MACROD2: variants seen among roughly 807,000 people sequenced by gnomAD.
MACROD2 encodes ADP-ribose glycohydrolase MACROD2.
Under a neutral mutation model 70.4 loss-of-function variants are expected in MACROD2, and 36 were observed. That is an observed-to-expected ratio of 0.51 (90% CI 0.39 to 0.68). The LOEUF is 0.68. Among genes scored for constraint, MACROD2 ranks in the 30% least tolerant of loss-of-function variants. The pLI is 0.00. For missense variants in MACROD2, 496 were observed against 538.4 expected (o/e 0.92, Z 0.78); for synonymous variants, 172 against 178.8 (o/e 0.96, Z 0.30).
intron 6 of MACROD2, among the ~76,000 whole-genome samples, chr20:15,318,052 T>G (rs1046902729): frequency 2.6e-5 from 4 of 151,972 alleles, no homozygotes; most frequent in African/African-American, 9.7e-5. Flanking sequence ...AAAACAGAAG[T>G]TGCACTTAAT....
chr20:15,857,005 T>C (rs1050736839), intron 8 of MACROD2, among the ~76,000 whole-genome samples: 2 of 152,218 alleles, frequency 1.3e-5, no homozygotes, highest in Non-Finnish European at 1.5e-5. Context: ...ACTTCATTGC[T>C]CTTCTCTACA....
intron 8 of MACROD2, among the ~76,000 whole-genome samples, chr20:15,674,401 G>C (rs1331532923): frequency 2.6e-5 from 4 of 152,008 alleles, no homozygotes; most frequent in Non-Finnish European, 4.4e-5. Flanking sequence ...AGCAGCAGTG[G>C]GTGCGAAGGC....
intron 5 of MACROD2, among the ~76,000 whole-genome samples, chr20:15,214,098 T>A (rs982446699): frequency 2.0e-5 from 3 of 152,104 alleles, no homozygotes; most frequent in Admixed American, 2.0e-4. Flanking sequence ...ATTTCCAGCT[T>A]CTGTGCTTTC....
intron 3 of MACROD2, among the ~76,000 whole-genome samples, chr20:14,117,253 C>G (rs898838714): frequency 6.6e-6 from 1 of 152,134 alleles, no homozygotes; most frequent in Non-Finnish European, 1.5e-5. Flanking sequence ...CTCTTATGAT[C>G]CTTGTACTTT....
At chr20:14,787,654 G>A (rs1227538956) in intron 5 of MACROD2, among the ~76,000 whole-genome samples, 1 of 152,044 alleles carries the variant, frequency 6.6e-6, no homozygotes, top group Non-Finnish European at 1.5e-5. Flanking sequence ...ACCACACCTC[G>A]TTTTCCTTTT....
At chr20:14,348,902 T>C (rs779530757) in intron 3 of MACROD2, among the ~76,000 whole-genome samples, 7 of 151,990 alleles carry the variant, frequency 4.6e-5, no homozygotes, top group Admixed American at 6.6e-5. Flanking sequence ...GTCCCATCTC[T>C]ACAAAAAATA....
At chr20:14,466,252 T>G (rs1018752687) in intron 3 of MACROD2, among the ~76,000 whole-genome samples, 2 of 152,102 alleles carry the variant, frequency 1.3e-5, no homozygotes, top group African/African-American at 2.4e-5. Flanking sequence ...CTTTTTTCTC[T>G]AAACTTCTCT....
At chr20:14,219,494 A>G (rs1054447721) in intron 3 of MACROD2, among the ~76,000 whole-genome samples, 3 of 152,154 alleles carry the variant, frequency 2.0e-5, no homozygotes, top group African/African-American at 4.8e-5. Flanking sequence ...TCCCTCCCCA[A>G]TTAGCTTAAT....
intron 5 of MACROD2, among the ~76,000 whole-genome samples, chr20:14,873,493 C>G (rs1014352261): frequency 1.3e-5 from 2 of 152,066 alleles, no homozygotes; most frequent in Admixed American, 6.6e-5. Context: ...ATGGAATGCT[C>G]CAGACTCAGA....
intron 4 of MACROD2, among the ~76,000 whole-genome samples, chr20:14,645,146 C>T (rs1214804485): frequency 6.6e-6 from 1 of 152,032 alleles, no homozygotes; most frequent in Non-Finnish European, 1.5e-5. Flanking sequence ...ATTTTTTCTT[C>T]ACTTAAATTA....
chr20:15,736,777 G>A (rs1000860326), intron 8 of MACROD2, among the ~76,000 whole-genome samples: 4 of 152,176 alleles, frequency 2.6e-5, no homozygotes, highest in African/African-American at 9.7e-5. Flanking sequence ...CTGACTTTAA[G>A]TAGCCATTGG....
intron 4 of MACROD2, among the ~76,000 whole-genome samples, chr20:14,581,336 A>G (rs1981005661): frequency 6.6e-6 from 1 of 152,206 alleles, no homozygotes; most frequent in African/African-American, 2.4e-5. Context: ...CTGATTGTAG[A>G]ACTTGAGCAT....
intron 5 of MACROD2, among the ~76,000 whole-genome samples, chr20:14,827,455 C>T (rs748556237): frequency 2.0e-5 from 3 of 152,126 alleles, no homozygotes; most frequent in East Asian, 1.9e-4. Context: ...TTACATGGTA[C>T]GTGGTTTTAT....
intron 8 of MACROD2, among the ~76,000 whole-genome samples, chr20:15,716,694 G>T (rs2050712821): frequency 6.6e-6 from 1 of 152,130 alleles, no homozygotes; most frequent in African/African-American, 2.4e-5. Context: ...ACAACAAAAA[G>T]AACAGAAAAG....
chr20:15,229,986 T>C lies in MACROD2; in HGVS notation c.465T>C (p.Gly155=). ...CAATAGCCAGGGGCCATATTAATGGTTCCCACAAGGAAGACCTTGCAAATT... is the reference window on the plus strand; with the variant it reads ...CAATAGCCAGGGGCCATATTAATGGCTCCCACAAGGAAGACCTTGCAAATT... The part of the protein sequence containing the change: ...VGPIARGHIN[G]SHKEDLANCY... Residue 155 remains glycine (G), a synonymous_variant, in exon 6 of 18, where the codon GGT becomes GGC. Transcript: ENST00000684519. 6.2e-7 allele frequency: 1 copy of C among 1,613,746 alleles called. No individual in the cohort carries two copies. Among genetic ancestry groups the C allele is most frequent in the African/African-American group, 1.3e-5 (1 of 75,030 alleles).
At chr20:15,073,466 AACAC>A (rs11468103) in intron 5 of MACROD2, among the ~76,000 whole-genome samples, 34,174 of 143,812 alleles carry the variant, frequency 0.24, 4,002 homozygotes, top group East Asian at 0.34. Context: ...TAATTCTCCC[AACAC>A]ACACACACAC....
intron 5 of MACROD2, among the ~76,000 whole-genome samples, chr20:14,737,533 T>C (rs1327685569): frequency 6.6e-6 from 1 of 152,140 alleles, no homozygotes; most frequent in African/African-American, 2.4e-5. Context: ...CGCCACACTG[T>C]CTTCCATGAT....
intron 5 of MACROD2, among the ~76,000 whole-genome samples, chr20:14,947,164 G>A (rs938029994): frequency 2.8e-4 from 42 of 152,284 alleles, no homozygotes; most frequent in Non-Finnish European, 1.6e-4. Context: ...TCACAGATTC[G>A]CCGAGCAAGC....
intron 2 of MACROD2, among the ~76,000 whole-genome samples, chr20:14,042,730 C>T (rs1484313039): frequency 3.3e-5 from 5 of 152,070 alleles, no homozygotes; most frequent in African/African-American, 1.2e-4. Context: ...GAACTCCTGA[C>T]CTCAAGTGAT....
Sources: gnomAD v4.1 joint callset for allele counts (sites outside exome capture counted in the v4.1 genomes callset) on GRCh38, gnomAD v4.1.1 for gene constraint, MANE v1.5 for transcripts, NCBI Gene and HGNC (gene_info 2026-07-23, HGNC 2026-07-21) for gene names.